FHAD1: variants seen among roughly 807,000 people sequenced by gnomAD.
FHAD1 encodes forkhead-associated domain-containing protein 1.
A neutral mutation model predicts 191.3 loss-of-function variants in FHAD1; 146 were observed. The ratio of observed to expected loss-of-function variants is 0.76; its 90% CI spans 0.67 to 0.88. The LOEUF (loss-of-function observed/expected upper bound fraction) is 0.88. FHAD1 is among the 40% of genes least tolerant of loss of function. The pLI, the probability that FHAD1 is intolerant of heterozygous loss-of-function variation, is 0.00. For missense variants in FHAD1, 1,635 were observed against 1,785.8 expected, an observed-to-expected ratio of 0.92 and a Z score of 1.52; for synonymous variants, 616 against 672.3, an observed-to-expected ratio of 0.92 and a Z score of 1.29.
rs772184858 is a variant in FHAD1, at chr1:15,397,545, G to C, written c.*132G>C. 3 of 463,294 alleles carry C rather than the reference G, an allele frequency of 6.5e-6. No individual in the cohort carries two copies. Among genetic ancestry groups the C allele is most frequent in the Non-Finnish European group, 7.8e-6 (2 of 256,416 alleles). The allele number at this position is 463,294 out of a possible 1,614,324, so 28.7% of individuals were successfully genotyped here. On this transcript the variant is annotated 3_prime_UTR_variant, in exon 34 of 34. Coordinates refer to ENST00000688493, the MANE Select transcript of FHAD1 (RefSeq NM_001391957.1). ...TGTTACCCTAGTGTTTCATTTCCTA[G>C]ACCAGTATTTTGAACAATATTATAT... is the stretch of plus-strand genomic sequence containing the variant.
chr1:15,369,737 G>A (rs577146087), intron 26 of FHAD1, among the ~76,000 whole-genome samples: 3 of 152,288 alleles, frequency 2.0e-5, no homozygotes, highest in South Asian at 2.1e-4. Context: ...AGGCCTCCAC[G>A]TTCTCACATG....
chr1:15,283,445 A>G (rs945156068), intron 3 of FHAD1, among the ~76,000 whole-genome samples: 2 of 152,274 alleles, frequency 1.3e-5, no homozygotes, highest in African/African-American at 4.8e-5. Flanking sequence ...AGTAGGAAGA[A>G]TAACTGTAAG....
intron 3 of FHAD1, among the ~76,000 whole-genome samples, chr1:15,284,218 C>T (rs572741958): frequency 2.5e-4 from 38 of 152,302 alleles, no homozygotes; most frequent in African/African-American, 3.8e-4. Flanking sequence ...CAGCGGCTCA[C>T]GCCGGTAATC....
intron 19 of FHAD1, among the ~76,000 whole-genome samples, chr1:15,350,968 C>T (rs1690652746): frequency 6.6e-6 from 1 of 152,212 alleles, no homozygotes; most frequent in Admixed American, 6.5e-5. Context: ...CTCCCTTATA[C>T]ATACGAGCCA....
intron 2 of FHAD1, among the ~76,000 whole-genome samples, chr1:15,258,061 C>T (rs1419551718): frequency 2.0e-5 from 3 of 152,092 alleles, no homozygotes; most frequent in Non-Finnish European, 2.9e-5. Flanking sequence ...AGGCTGGTCT[C>T]GAACTCCCTA....
At chr1:15,246,161 G>A (rs72863132), upstream of FHAD1, among the ~76,000 whole-genome samples, 307 of 152,232 alleles carry the variant, frequency 2.0e-3, no homozygotes, top group African/African-American at 6.9e-3. Flanking sequence ...AGAGCAAAGG[G>A]GGAAGTGCCA....
chr1:15,367,676 G>T, intron 25 of FHAD1, 54 bp downstream of exon 25: 2 of 1,431,938 alleles, frequency 1.4e-6, no homozygotes, highest in South Asian at 1.3e-5. Flanking sequence ...GTGGGGAGCC[G>T]CTGAGTATTG....
upstream of FHAD1, among the ~76,000 whole-genome samples, chr1:15,245,938 C>G (rs1573575355): frequency 6.6e-6 from 1 of 152,342 alleles, no homozygotes; most frequent in Non-Finnish European, 1.5e-5. Flanking sequence ...ATTTCTCTCT[C>G]AGATCCTCTT....
intron 1 of FHAD1, among the ~76,000 whole-genome samples, chr1:15,249,713 G>A (rs968742192): frequency 6.6e-6 from 1 of 151,976 alleles, no homozygotes; most frequent in Non-Finnish European, 1.5e-5. Context: ...GTTATTTCAT[G>A]TCCTAAGTGT....
intron 3 of FHAD1, among the ~76,000 whole-genome samples, chr1:15,285,477 G>A (rs1215705311): frequency 6.6e-6 from 1 of 152,142 alleles, no homozygotes; most frequent in Non-Finnish European, 1.5e-5. Context: ...AGGTTGCAGT[G>A]AGCCGAGATC....
intron 21 of FHAD1, 109 bp from the exon 22 acceptor site, chr1:15,360,369 C>T (rs957833228): frequency 1.1e-6 from 1 of 899,020 alleles, no homozygotes; most frequent in African/African-American, 1.7e-5. Context: ...TGTGCTAAGG[C>T]CCTGGGGTGG....
chr1:15,304,196 T>C (rs541387671), intron 6 of FHAD1, among the ~76,000 whole-genome samples: 1 of 152,370 alleles, frequency 6.6e-6, no homozygotes, highest in South Asian at 2.1e-4. Flanking sequence ...CGTACCGCCA[T>C]GCGGCCTGCA....
intron 23 of FHAD1, chr1:15,364,418 T>A (rs1426420315): frequency 6.6e-6 from 1 of 152,286 alleles, no homozygotes; most frequent in Non-Finnish European, 1.5e-5. Flanking sequence ...GAGACCAGCC[T>A]GGCCAACATG....
In FHAD1 at chr1:15,374,543, C is replaced by T. The variant is rs1699015300; in HGVS notation, c.3489C>T (p.Ser1163=). 1 of 1,551,616 alleles carries T rather than the reference C, an allele frequency of 6.4e-7. No individual in the cohort carries two copies. Among genetic ancestry groups the T allele is most frequent in the Non-Finnish European group, 8.7e-7 (1 of 1,147,016 alleles). Residue 1163 remains serine, a synonymous_variant, in exon 27 of 34, where the codon TCC becomes TCT. Transcript: ENST00000688493. ...FSDLGVRCKG[S]RHEEVIQRQK... ...ATCTAGGGGTCAGGTGCAAAGGGTCCCGGCACGAGGAGGTCATTCAGCGTC... is the reference window on the plus strand; with the variant it reads ...ATCTAGGGGTCAGGTGCAAAGGGTCTCGGCACGAGGAGGTCATTCAGCGTC...
Position 15,247,330 on chromosome 1 carries a change from C to A in FHAD1, c.-80C>A, listed in dbSNP as rs1193374308. ...CGGGAGGCTTCGCCCCGGAGCTGGC[C>A]CGACGCCTCCCGAGCTGGCAGGGCT... On this transcript the variant is annotated 5_prime_UTR_variant, in exon 1 of 34. Coordinates refer to ENST00000688493, the MANE Select transcript of FHAD1 (RefSeq NM_001391957.1). 1 of 232,758 alleles carries A rather than the reference C, an allele frequency of 4.3e-6. No individual in the cohort carries two copies. Among genetic ancestry groups the A allele is most frequent in the South Asian group, 3.4e-5 (1 of 29,770 alleles). The allele number at this position is 232,758 out of a possible 1,614,324, so 14.4% of individuals were successfully genotyped here.
At chr1:15,269,501 T>A (rs575898839) in intron 2 of FHAD1, among the ~76,000 whole-genome samples, 3 of 152,248 alleles carry the variant, frequency 2.0e-5, no homozygotes, top group Non-Finnish European at 4.4e-5. Context: ...TCAAGTTTAC[T>A]TCCATTGTGG....
At chr1:15,367,321 C>T in intron 24 of FHAD1, 142 bp from the exon 25 acceptor site, 2 of 918,020 alleles carry the variant, frequency 2.2e-6, no homozygotes, top group Non-Finnish European at 3.1e-6. Context: ...CATGGTGAAA[C>T]CCTGTCTCTA....
At chr1:15,243,156 C>G (rs1314929689), upstream of FHAD1, among the ~76,000 whole-genome samples, 1 of 152,216 alleles carries the variant, frequency 6.6e-6, no homozygotes, top group Non-Finnish European at 1.5e-5. Flanking sequence ...AGACGAAGCT[C>G]CATATTTTCT....
intron 14 of FHAD1, among the ~76,000 whole-genome samples, chr1:15,333,514 C>T (rs933566946): frequency 6.6e-6 from 1 of 152,096 alleles, no homozygotes; most frequent in African/African-American, 2.4e-5. Flanking sequence ...ATAATTTGCC[C>T]ATTTTCCTCA....
Sources: allele counts gnomAD v4.1 joint callset (sites outside exome capture counted in the v4.1 genomes callset), GRCh38; gene constraint gnomAD v4.1.1; transcripts MANE v1.5; gene names NCBI Gene and HGNC (gene_info 2026-07-23, HGNC 2026-07-21).